PEAK1: variants seen among roughly 807,000 people sequenced by gnomAD.
PEAK1 encodes the protein pseudopodium enriched atypical kinase 1.
In PEAK1, 54 loss-of-function variants were observed where a neutral mutation model predicts 124.7. That is an observed-to-expected ratio of 0.43 (90% confidence interval 0.35 to 0.54). PEAK1 has a LOEUF of 0.54. Ranked by LOEUF, PEAK1 falls within the 20% of genes least tolerant of loss-of-function variation. The probability of loss-of-function intolerance (pLI) is 0.01; values close to 1 mark genes in which losing one functional copy is unlikely to be tolerated. For synonymous variants in PEAK1, 719 were observed against 760.0 expected (o/e 0.95, Z 0.89); for missense variants, 2,046 against 2,134.5 (o/e 0.96, Z 0.82).
At chr15:77,102,747 C>T (rs2050706902) in exon 7 of PEAK1, 1 of 151,976 alleles carries the variant, frequency 6.6e-6, no homozygotes, top group South Asian at 2.1e-4. Flanking sequence ...TCTGTTTTTT[C>T]TTGTACCTGT....
chr15:77,199,269 T>A (rs369886091), intron 6 of PEAK1, among the ~76,000 whole-genome samples: 20 of 152,322 alleles, frequency 1.3e-4, no homozygotes, highest in African/African-American at 4.8e-4. Context: ...CTTTTAAAGT[T>A]CATTTGGTAT....
intron 2 of PEAK1, among the ~76,000 whole-genome samples, chr15:77,311,685 C>A (rs923141685): frequency 0.012 from 1,043 of 85,628 alleles, no homozygotes; most frequent in African/African-American, 0.014. Flanking sequence ...CCAACCCCCA[C>A]AAAAAAAAAA....
chr15:77,145,852 T>C (rs544056082), intron 8 of PEAK1, among the ~76,000 whole-genome samples: 22 of 152,276 alleles, frequency 1.4e-4, no homozygotes, highest in African/African-American at 5.3e-4. Context: ...CTCCCAAAGA[T>C]CAGAAGTCCT....
chr15:77,114,577 T>C lies in PEAK1; in HGVS notation c.4820A>G (p.Asn1607Ser), dbSNP rs779217862. The C allele has an allele frequency of 8.7e-6, 14 of 1,613,628 alleles. No individual in the cohort carries two copies. The highest frequency in any genetic ancestry group is 9.3e-6 in the Non-Finnish European group (11 of 1,179,904). The change falls in exon 10 of 10, where the codon AAC (asparagine) becomes AGC (serine). Residue 1607 changes from asparagine to serine, a missense_variant. Asn to Ser is a conservative substitution (Grantham distance 46). Coordinates refer to ENST00000682557, the MANE Select transcript of PEAK1 (RefSeq NM_001385026.1). ...CAGCTCTGGGTTCTCATCAAAGGGG[T>C]TGGGTAGGTGCAGCATCTCATAGAT... ...ILIYEMLHLP[N>S]PFDENPELKE... is the part of the protein sequence containing the mutation.
chr15:77,308,883 T>TG (rs1279876043), intron 2 of PEAK1, among the ~76,000 whole-genome samples: 1 of 152,034 alleles, frequency 6.6e-6, no homozygotes, highest in Non-Finnish European at 1.5e-5. Flanking sequence ...TGCTCAAAGC[T>TG]GGGTCAATAA....
At chr15:77,341,563 C>A (rs1475632895) in intron 2 of PEAK1, among the ~76,000 whole-genome samples, 1 of 152,042 alleles carries the variant, frequency 6.6e-6, no homozygotes, top group East Asian at 1.9e-4. Context: ...GGGGTTATTA[C>A]ATAGGCATGA....
chr15:77,153,440 T>A (rs2054839351), intron 8 of PEAK1, among the ~76,000 whole-genome samples: 3 of 152,228 alleles, frequency 2.0e-5, no homozygotes, highest in Non-Finnish European at 4.4e-5. Context: ...AAACAGTTCC[T>A]GGATTCATTG....
At chr15:77,384,742 T>G (rs531810458) in intron 1 of PEAK1, among the ~76,000 whole-genome samples, 1 of 152,330 alleles carries the variant, frequency 6.6e-6, no homozygotes, top group Non-Finnish European at 1.5e-5. Flanking sequence ...TGCCTTCCCT[T>G]GGCCCTCCAC....
intron 2 of PEAK1, among the ~76,000 whole-genome samples, chr15:77,343,743 C>T (rs2066694660): frequency 6.6e-6 from 1 of 152,038 alleles, no homozygotes; most frequent in African/African-American, 2.4e-5. Context: ...GCCTTGGCCT[C>T]CCAAAGTGCT....
At chr15:77,313,936 A>G (rs765177327) in intron 2 of PEAK1, among the ~76,000 whole-genome samples, 2 of 151,776 alleles carry the variant, frequency 1.3e-5, no homozygotes, top group Non-Finnish European at 2.9e-5. Flanking sequence ...ATAACTTTAC[A>G]ATGGAGAAAC....
At chr15:77,300,445 TTTTC>T (rs1322431069) in intron 2 of PEAK1, among the ~76,000 whole-genome samples, 6 of 152,324 alleles carry the variant, frequency 3.9e-5, no homozygotes, top group South Asian at 4.1e-4. Flanking sequence ...TATCTATTCC[TTTTC>T]TTTCTTTTTT....
chr15:77,105,359 C>T (rs74025056), downstream of PEAK1: 914 of 82,710 alleles, frequency 0.011, 12 homozygotes, highest in African/African-American at 0.032. Context: ...TGTGTGTGTG[C>T]GCGCGTGCGC....
chr15:77,398,096 A>T (rs931093881), intron 1 of PEAK1, among the ~76,000 whole-genome samples: 11 of 152,138 alleles, frequency 7.2e-5, no homozygotes, highest in African/African-American at 2.7e-4. Flanking sequence ...ATAAATAATG[A>T]GATCAATGCT....
intron 5 of PEAK1, among the ~76,000 whole-genome samples, chr15:77,254,638 G>A (rs929289292): frequency 3.3e-5 from 5 of 152,054 alleles, no homozygotes; most frequent in Non-Finnish European, 7.4e-5. Context: ...TCACTACATT[G>A]CCTAGGCTAG....
At chr15:77,262,075 T>C (rs1026820105) in intron 5 of PEAK1, among the ~76,000 whole-genome samples, 34 of 152,156 alleles carry the variant, frequency 2.2e-4, no homozygotes, top group East Asian at 7.7e-4. Flanking sequence ...ATTTTGTCAC[T>C]ACCAGGCCTG....
chr15:77,419,814 C>A (rs1156349269), intron 1 of PEAK1, among the ~76,000 whole-genome samples, 192 bp downstream of exon 1: 1 of 148,324 alleles, frequency 6.7e-6, no homozygotes, highest in East Asian at 2.0e-4. Context: ...AGAGCCCGCG[C>A]CGGGCGGGAC....
chr15:77,416,047 G>GTAGC (rs2072860554), intron 1 of PEAK1, among the ~76,000 whole-genome samples: 1 of 152,186 alleles, frequency 6.6e-6, no homozygotes, highest in African/African-American at 2.4e-5. Flanking sequence ...GCATTACAAT[G>GTAGC]TAGCTAAGTG....
chr15:77,185,091 G>C (rs1447872304), intron 6 of PEAK1, among the ~76,000 whole-genome samples: 1 of 152,228 alleles, frequency 6.6e-6, no homozygotes, highest in Non-Finnish European at 1.5e-5. Context: ...AGGGAAGGCA[G>C]AGAAAGATGC....
intron 1 of PEAK1, among the ~76,000 whole-genome samples, chr15:77,412,266 C>G (rs952410938): frequency 1.3e-5 from 2 of 152,174 alleles, no homozygotes; most frequent in Non-Finnish European, 2.9e-5. Context: ...ACTCTAGATT[C>G]CCATGTTCAA....
Sources: allele counts gnomAD v4.1 joint callset (sites outside exome capture counted in the v4.1 genomes callset), GRCh38; gene constraint gnomAD v4.1.1; transcripts MANE v1.5; gene names NCBI Gene and HGNC (gene_info 2026-07-23, HGNC 2026-07-21).